The following ITPKB variants were observed in gnomAD, a reference collection of about 807,000 sequenced individuals.
The protein encoded by ITPKB is inositol-trisphosphate 3-kinase B, also known as IP3 3-kinase B.
Under a neutral mutation model 69.4 loss-of-function variants are expected in ITPKB, and 13 were observed. The ratio of observed to expected loss-of-function variants is 0.19; its 90% CI spans 0.12 to 0.30. The LOEUF (loss-of-function observed/expected upper bound fraction) is 0.30. Among genes scored for constraint, ITPKB ranks in the 10% least tolerant of loss-of-function variants. The pLI, the probability that ITPKB is intolerant of heterozygous loss-of-function variation, is 1.00. For synonymous variants in ITPKB, 584 were observed against 513.7 expected (o/e 1.14, Z -1.85); for missense variants, 1,240 against 1,250.5 (o/e 0.99, Z 0.13).
intron 2 of ITPKB, among the ~76,000 whole-genome samples, chr1:226,690,475 G>A (rs928231837): frequency 6.6e-6 from 1 of 152,100 alleles, no homozygotes; most frequent in Admixed American, 6.5e-5. Context: ...CCCCACAGCA[G>A]CCTGCAGTAA....
chr1:226,691,225 CTT>C (rs1656341184), intron 2 of ITPKB, among the ~76,000 whole-genome samples: 1 of 151,310 alleles, frequency 6.6e-6, no homozygotes, highest in African/African-American at 2.4e-5. Context: ...GTTATGTACA[CTT>C]TGCCACATTT....
intron 2 of ITPKB, among the ~76,000 whole-genome samples, chr1:226,677,920 G>A (rs1167820743): frequency 6.6e-6 from 1 of 152,210 alleles, no homozygotes; most frequent in Non-Finnish European, 1.5e-5. Context: ...AGGAGACGAG[G>A]AGCTTCACCT....
At chr1:226,684,498 C>G (rs372512808) in intron 2 of ITPKB, among the ~76,000 whole-genome samples, 1 of 152,024 alleles carries the variant, frequency 6.6e-6, no homozygotes, top group East Asian at 1.9e-4. Context: ...TTTTCTTTAA[C>G]CAGGGAAGGG....
intron 2 of ITPKB, among the ~76,000 whole-genome samples, chr1:226,710,778 G>A (rs1408972225): frequency 6.6e-6 from 1 of 152,234 alleles, no homozygotes; most frequent in Admixed American, 6.5e-5. Flanking sequence ...CACCAGTGAC[G>A]CCAACTCTAT....
intron 2 of ITPKB, among the ~76,000 whole-genome samples, chr1:226,703,461 G>C (rs929188528): frequency 6.6e-6 from 1 of 152,214 alleles, no homozygotes; most frequent in Non-Finnish European, 1.5e-5. Context: ...TCTACAGGGG[G>C]CTTTTCTTCG....
intron 2 of ITPKB, among the ~76,000 whole-genome samples, chr1:226,672,291 T>TG (rs1211961746): frequency 1.3e-5 from 2 of 152,206 alleles, no homozygotes; most frequent in African/African-American, 4.8e-5. Context: ...ACTTGCTATG[T>TG]GGGCTCAAGA....
intron 2 of ITPKB, among the ~76,000 whole-genome samples, chr1:226,654,919 G>A (rs1008079976): frequency 2.6e-5 from 4 of 152,012 alleles, no homozygotes; most frequent in Non-Finnish European, 5.9e-5. Flanking sequence ...GGAAGAGGAA[G>A]AAGAGGAGAA....
At chr1:226,639,865 G>C (rs754535627) in intron 5 of ITPKB, among the ~76,000 whole-genome samples, 2 of 152,192 alleles carry the variant, frequency 1.3e-5, no homozygotes, top group Non-Finnish European at 2.9e-5. Flanking sequence ...ACAGGAGAAC[G>C]CAGAGGGTGG....
chr1:226,732,514 A>G (rs1350039478), intron 2 of ITPKB, among the ~76,000 whole-genome samples: 1 of 150,946 alleles, frequency 6.6e-6, no homozygotes, highest in Non-Finnish European at 1.5e-5. Flanking sequence ...CTGGGATTAC[A>G]GGCATGAGCC....
chr1:226,735,759 G>C lies in ITPKB; in HGVS notation c.1700C>G (p.Pro567Arg). 1 of 1,598,032 alleles carries C rather than the reference G, an allele frequency of 6.3e-7. No homozygotes were observed. The highest frequency in any genetic ancestry group is 8.6e-7 in the Non-Finnish European group (1 of 1,168,156). The change falls in exon 2 of 8, where the codon CCT (proline) becomes CGT (arginine). Residue 567 changes from proline to arginine, a missense_variant. Physicochemically the swap from Pro to Arg is moderately radical, Grantham distance 103. Transcript: ENST00000429204. ...LRKACSPSNI[P>R]AVIITDMGTQ... ...GCCCATGTCTGTAATGATGACAGCA[G>C]GTATGTTGCTGGGGCTGCAGGCCTT...
At chr1:226,737,958 G>A (rs1657858127) in intron 1 of ITPKB, among the ~76,000 whole-genome samples, 1 of 152,214 alleles carries the variant, frequency 6.6e-6, no homozygotes, top group African/African-American at 2.4e-5. Flanking sequence ...CCGGCGAGAA[G>A]CGAGGTCCAA....
chr1:226,739,274 A>G lies in ITPKB; in HGVS notation c.-439T>C, dbSNP rs1408663960. ...CTGCACGCCCTTTTCGACCGTGGAG[A>G]TACTGCCCCTGTCAGTGTCTGCTCC... On this transcript the variant is annotated 5_prime_UTR_variant, in exon 1 of 8. Transcript: ENST00000429204. The G allele has an allele frequency of 1.3e-5, 2 of 148,774 alleles. No individual in the cohort carries two copies. The highest frequency in any genetic ancestry group is 3.0e-5 in the Non-Finnish European group (2 of 67,462). The allele number at this position is 148,774 out of a possible 1,614,324, so 9.2% of individuals were successfully genotyped here.
rs140276764 is a variant in ITPKB at position 226,715,295 on chromosome 1, A to G, written c.1932+20232T>C. 5.8e-4 allele frequency among the ~76,000 whole-genome samples: 89 copies of G among 152,386 alleles called. 1 individual carries two copies. The highest frequency in any genetic ancestry group is 1.0e-3 in the Admixed American group (16 of 15,306). On this transcript the variant is annotated intron_variant, in intron 2 of 7. Coordinates refer to ENST00000429204, the MANE Select transcript of ITPKB (RefSeq NM_002221.4). ...GTTAGTTCACTCTTTTCTGAAAGCT[A>G]GTTAGTCGCAGGTAGTAGATAAAAC... is the stretch of plus-strand genomic sequence containing the variant.
At chr1:226,635,859 G>A (rs1668826320) in intron 7 of ITPKB, among the ~76,000 whole-genome samples, 1 of 152,236 alleles carries the variant, frequency 6.6e-6, no homozygotes, top group Admixed American at 6.5e-5. Flanking sequence ...TCCCAAATAT[G>A]GCCACACATA....
chr1:226,669,416 A>T (rs1471136265), intron 2 of ITPKB, among the ~76,000 whole-genome samples: 1 of 151,536 alleles, frequency 6.6e-6, no homozygotes, highest in Non-Finnish European at 1.5e-5. Flanking sequence ...AAAAAAATGT[A>T]CTCCTGGTGT....
At position 226,641,824 on chromosome 1, in the gene ITPKB, G is replaced by A; in HGVS notation, c.2451+97C>T. The A allele has an allele frequency of 8.8e-7, 1 of 1,136,424 alleles. No individual in the cohort carries two copies. The highest frequency in any genetic ancestry group is 1.4e-5 in the South Asian group (1 of 69,454). The allele number at this position is 1,136,424 out of a possible 1,614,324, so 70.4% of individuals were successfully genotyped here. ...CCACCCACATTCTGAGCCTGTGCCTGGAGAAGCTTACAGCTTCCAAAGGGC... is the reference window on the plus strand; with the variant it reads ...CCACCCACATTCTGAGCCTGTGCCTAGAGAAGCTTACAGCTTCCAAAGGGC... On this transcript the variant is annotated intron_variant, in intron 5 of 7. Coordinates refer to ENST00000429204, the MANE Select transcript of ITPKB (RefSeq NM_002221.4). This position sits in a 1 kb window ranked among gnomAD's most constrained non-coding sequence, Gnocchi z 4.6.
At position 226,737,428 on chromosome 1, in the gene ITPKB, G is replaced by T; in HGVS notation, c.31C>A (p.Leu11Met). 6.2e-7 allele frequency: 1 copy of T among 1,611,446 alleles called. No homozygotes were observed. The highest frequency in any genetic ancestry group is 8.5e-7 in the Non-Finnish European group (1 of 1,179,588). MAVYCYALNS[L>M]VIMNSANEMK... The stretch of plus-strand genomic sequence containing the variant: ...TCGTTGGCGCTATTCATGATCACCA[G>T]GCTATTGAGCGCATAGCAGTACACA... The change falls in exon 2 of 8, where the codon CTG (leucine) becomes ATG (methionine). Residue 11 changes from leucine (L) to methionine (M), a missense_variant. Transcript: ENST00000429204.
chr1:226,736,814 G>C lies in ITPKB; in HGVS notation c.645C>G (p.Thr215=). ...WGEQCPETSG[T]DSGRKGGPSL... ...TGGGCCCTCCTTTCCTCCCGGAGTC[G>C]GTTCCTGAAGTCTCTGGACATTGCT... The change falls in exon 2 of 8, where the codon ACC becomes ACG. Residue 215 remains threonine, a synonymous_variant. Transcript: ENST00000429204. 1 of 1,612,872 alleles carries C rather than the reference G, an allele frequency of 6.2e-7. No homozygotes were observed. The highest frequency in any genetic ancestry group is 8.5e-7 in the Non-Finnish European group (1 of 1,180,018).
intron 7 of ITPKB, among the ~76,000 whole-genome samples, chr1:226,636,750 C>CTG (rs1491325492): frequency 2.5e-5 from 3 of 121,256 alleles, no homozygotes; most frequent in Non-Finnish European, 5.2e-5. Context: ...AGGACTGCAG[C>CTG]TCTGTGTGTG....
Sources: allele counts gnomAD v4.1 joint callset (sites outside exome capture counted in the v4.1 genomes callset), GRCh38; gene constraint gnomAD v4.1.1; non-coding constraint Gnocchi (gnomAD v3.1); transcripts MANE v1.5; gene names NCBI Gene and HGNC (gene_info 2026-07-23, HGNC 2026-07-21).